COL4A2: variants seen among roughly 807,000 people sequenced by gnomAD.
The protein encoded by COL4A2 is collagen type IV alpha 2 chain, also known as collagen alpha-2(IV) chain.
In COL4A2, 99 loss-of-function variants were observed where a neutral mutation model predicts 200.2. The observed-to-expected ratio is 0.49, with a 90% confidence interval of 0.42 to 0.58. The LOEUF (loss-of-function observed/expected upper bound fraction) is 0.58, where lower values mean the gene tolerates loss of function less well. Ranked by LOEUF, COL4A2 falls within the 20% of genes least tolerant of loss-of-function variation. The pLI is 0.00. For synonymous variants in COL4A2, 897 were observed against 900.6 expected (o/e 1.00, Z 0.07); for missense variants, 1,950 against 2,314.1 (o/e 0.84, Z 3.23).
At chr13:110,386,797 G>A (rs185372475) in intron 4 of COL4A2, among the ~76,000 whole-genome samples, 584 of 152,228 alleles carry the variant, frequency 3.8e-3, no homozygotes, top group Non-Finnish European at 6.0e-3. Context: ...GGACAGAGAC[G>A]GAAGCATGGG....
At chr13:110,346,547 G>A (rs78631802) in intron 3 of COL4A2, among the ~76,000 whole-genome samples, 3,956 of 152,160 alleles carry the variant, frequency 0.026, 159 homozygotes, top group African/African-American at 0.088. Context: ...ATATTTCGAC[G>A]GGGCACCCTC....
chr13:110,453,676 T>G lies in COL4A2; in HGVS notation c.1339+3222T>G, dbSNP rs117980942. Among the ~76,000 whole-genome samples, 456 of 152,348 alleles carry G rather than the reference T, an allele frequency of 3.0e-3. 2 individuals are homozygous for G. Among genetic ancestry groups the G allele is most frequent in the Non-Finnish European group, 5.1e-3 (348 of 68,034 alleles). On this transcript the variant is annotated intron_variant, in intron 20 of 47. Coordinates refer to ENST00000360467, the MANE Select transcript of COL4A2 (RefSeq NM_001846.4). The stretch of plus-strand genomic sequence containing the variant: ...CTAGCATAAGTCAACTGCGAACAAT[T>G]TAATTTCTGATCTGTAGTGTGGGCT...
chr13:110,369,834 G>A (rs1167313172), intron 4 of COL4A2, among the ~76,000 whole-genome samples: 2 of 151,962 alleles, frequency 1.3e-5, no homozygotes, highest in African/African-American at 2.4e-5. Flanking sequence ...CCACCCACCA[G>A]CCCCCTGTCC....
chr13:110,337,409 C>A (rs540556359), intron 3 of COL4A2, among the ~76,000 whole-genome samples: 12 of 152,218 alleles, frequency 7.9e-5, no homozygotes, highest in Non-Finnish European at 1.5e-4. Context: ...AGTGATGGTC[C>A]CAGCAAGCGT....
Position 110,512,353 on chromosome 13 carries a change from A to G in COL4A2, c.*162A>G, listed in dbSNP as rs1310826776. 1 of 1,228,580 alleles carries G rather than the reference A, an allele frequency of 8.1e-7. No homozygotes were observed. Among genetic ancestry groups the G allele is most frequent in the Non-Finnish European group, 1.1e-6 (1 of 913,558 alleles). The allele number at this position is 1,228,580 out of a possible 1,614,324, so 76.1% of individuals were successfully genotyped here. A position where few individuals can be genotyped will look rare whatever the true frequency, so the allele number is the denominator to read the frequency against. ...TTAGACCTGCCAGCCACTGTCACCG[A>G]GCGGGTGCAAGCACTCGGGGTCCCT... is the stretch of plus-strand genomic sequence containing the variant. On this transcript the variant is annotated 3_prime_UTR_variant, in exon 48 of 48. Coordinates refer to ENST00000360467, the MANE Select transcript of COL4A2 (RefSeq NM_001846.4).
chr13:110,491,188 G>T, intron 36 of COL4A2, 45 bp from the exon 37 acceptor site: 2 of 1,395,186 alleles, frequency 1.4e-6, no homozygotes, highest in South Asian at 1.2e-5. Flanking sequence ...GAACCCACAG[G>T]GGCGCGGTGT....
At chr13:110,433,086 A>G (rs1436881765) in intron 11 of COL4A2, among the ~76,000 whole-genome samples, 1 of 152,248 alleles carries the variant, frequency 6.6e-6, no homozygotes, top group Non-Finnish European at 1.5e-5. Context: ...CTGTGTCCCG[A>G]TGGAGGACGT....
At position 110,322,891 on chromosome 13, in the gene COL4A2, G is replaced by A. The variant is rs190063426; in HGVS notation, c.99+14768G>A. ...AGATAGTTAAGGTTTCTCTGCAGGC[G>A]CAGCTGGCAGCATGATCAGAGGCTA... is the stretch of plus-strand genomic sequence containing the variant. On this transcript the variant is annotated intron_variant, in intron 3 of 47. Coordinates refer to ENST00000360467, the MANE Select transcript of COL4A2 (RefSeq NM_001846.4). 1.6e-4 allele frequency among the ~76,000 whole-genome samples: 24 copies of A among 152,356 alleles called. No homozygotes were observed. In the South Asian group the frequency reaches 1.7e-3, roughly 11 times the overall value.
intron 12 of COL4A2, among the ~76,000 whole-genome samples, chr13:110,435,082 T>C (rs1034049283): frequency 6.6e-6 from 1 of 152,240 alleles, no homozygotes; most frequent in Non-Finnish European, 1.5e-5. Context: ...ATTGGAACAT[T>C]TCTATTTTGT....
At chr13:110,347,295 A>G (rs1242354936) in intron 3 of COL4A2, among the ~76,000 whole-genome samples, 1 of 152,142 alleles carries the variant, frequency 6.6e-6, no homozygotes, top group Non-Finnish European at 1.5e-5. Context: ...CAGGAGCTCT[A>G]GGCCGGGGAG....
chr13:110,446,502 A>G (rs1881330697), intron 17 of COL4A2, among the ~76,000 whole-genome samples: 2 of 152,184 alleles, frequency 1.3e-5, no homozygotes. Flanking sequence ...CCCAAAATGT[A>G]ATAGTCTGAA....
chr13:110,506,308 T>C, intron 45 of COL4A2, 107 bp from the exon 46 acceptor site: 1 of 541,286 alleles, frequency 1.8e-6, no homozygotes. Flanking sequence ...GGCCGTCCAC[T>C]CTCTCTCTCT....
chr13:110,423,611 G>A (rs1430019166), intron 4 of COL4A2, among the ~76,000 whole-genome samples: 1 of 152,122 alleles, frequency 6.6e-6, no homozygotes, highest in Non-Finnish European at 1.5e-5. Context: ...TGATTCAGTG[G>A]CATTAAGTTC....
At chr13:110,495,751 G>A (rs915381079) in intron 40 of COL4A2, among the ~76,000 whole-genome samples, 2 of 152,186 alleles carry the variant, frequency 1.3e-5, no homozygotes, top group African/African-American at 4.8e-5. Context: ...TGTGCGCCTG[G>A]GGCACTGGCA....
intron 22 of COL4A2, chr13:110,459,837 G>T (rs1352609297): frequency 1.3e-5 from 2 of 151,178 alleles, no homozygotes; most frequent in African/African-American, 2.4e-5. Context: ...AGCATTGTTG[G>T]AAGGCTTCCT....
chr13:110,373,625 C>G (rs1409760577), intron 4 of COL4A2, among the ~76,000 whole-genome samples: 1 of 152,216 alleles, frequency 6.6e-6, no homozygotes. Context: ...TGGCCTCCAG[C>G]TACAGCCACT....
At chr13:110,495,003 A>C (rs1408232247) in intron 39 of COL4A2, among the ~76,000 whole-genome samples, 7 of 152,200 alleles carry the variant, frequency 4.6e-5, no homozygotes, top group Admixed American at 4.6e-4. Context: ...TTTACTTTGA[A>C]AACCTAATTA....
At chr13:110,325,876 T>G (rs1885395000) in intron 3 of COL4A2, among the ~76,000 whole-genome samples, 2 of 151,976 alleles carry the variant, frequency 1.3e-5, no homozygotes, top group South Asian at 4.2e-4. Flanking sequence ...CTCCACCTCC[T>G]GGGTTCAAGC....
intron 21 of COL4A2, chr13:110,457,699 A>G (rs899027579): frequency 4.8e-6 from 3 of 622,246 alleles, no homozygotes; most frequent in African/African-American, 3.6e-5. Flanking sequence ...AGCAGCAGTG[A>G]GCCTGATGCT....
Sources: allele counts gnomAD v4.1 joint callset (sites outside exome capture counted in the v4.1 genomes callset), GRCh38; gene constraint gnomAD v4.1.1; transcripts MANE v1.5; gene names NCBI Gene and HGNC (gene_info 2026-07-23, HGNC 2026-07-21).